The following CHD9 variants were observed in gnomAD, a reference collection of about 807,000 sequenced individuals.
The protein encoded by CHD9 is chromodomain helicase DNA binding protein 9.
In CHD9, 77 loss-of-function variants were observed where a neutral mutation model predicts 316.1. The observed-to-expected ratio is 0.24, with a 90% CI of 0.20 to 0.29. The LOEUF is 0.29. Among genes scored for constraint, CHD9 ranks in the 10% least tolerant of loss-of-function variants. The pLI is 1.00. For missense variants in CHD9, 2,763 were observed against 3,438.1 expected, an observed-to-expected ratio of 0.80 and a Z score of 4.91; for synonymous variants, 1,129 against 1,158.3, an observed-to-expected ratio of 0.97 and a Z score of 0.51.
At chr16:53,317,209 T>C (rs1395282451) in intron 36 of CHD9, among the ~76,000 whole-genome samples, 1 of 149,280 alleles carries the variant, frequency 6.7e-6, no homozygotes, top group Non-Finnish European at 1.5e-5. Flanking sequence ...GTAAGCCATA[T>C]TCATAAAACA....
chr16:53,135,389 G>A (rs756346479), intron 1 of CHD9, among the ~76,000 whole-genome samples: 1 of 152,164 alleles, frequency 6.6e-6, no homozygotes, highest in African/African-American at 2.4e-5. Flanking sequence ...AGAAAGGCAA[G>A]GGTGAAAGTA....
At chr16:53,059,846 G>A (rs1421172005) in intron 1 of CHD9, among the ~76,000 whole-genome samples, 2 of 152,212 alleles carry the variant, frequency 1.3e-5, no homozygotes, top group African/African-American at 4.8e-5. Flanking sequence ...GCGAAATGAC[G>A]TACAGTAAGT....
At chr16:53,106,218 T>G (rs1288446424) in intron 1 of CHD9, among the ~76,000 whole-genome samples, 1 of 152,210 alleles carries the variant, frequency 6.6e-6, no homozygotes, top group East Asian at 1.9e-4. Context: ...GTCAGTTAGT[T>G]CAATACAAAT....
intron 1 of CHD9, among the ~76,000 whole-genome samples, chr16:53,117,848 C>T (rs1266768280): frequency 1.4e-5 from 2 of 147,442 alleles, no homozygotes; most frequent in Non-Finnish European, 3.0e-5. Flanking sequence ...TTTTTTGAGA[C>T]GGAGTCTCTC....
chr16:53,305,895 T>C (rs2055921504), intron 31 of CHD9, among the ~76,000 whole-genome samples: 1 of 152,130 alleles, frequency 6.6e-6, no homozygotes, highest in Non-Finnish European at 1.5e-5. Flanking sequence ...GTTCTGCCAA[T>C]CCAGATGAAG....
At chr16:53,172,891 A>C (rs1379231982) in intron 2 of CHD9, among the ~76,000 whole-genome samples, 2 of 151,974 alleles carry the variant, frequency 1.3e-5, no homozygotes, top group Non-Finnish European at 2.9e-5. Context: ...TTGTGTTGTA[A>C]TATTCTAGTT....
intron 1 of CHD9, among the ~76,000 whole-genome samples, chr16:53,081,034 T>G (rs987530303): frequency 2.6e-5 from 4 of 152,240 alleles, no homozygotes; most frequent in African/African-American, 7.2e-5. Context: ...TATTCCTTGT[T>G]TATTCCCTTC....
rs750190750 is a variant in CHD9, at chr16:53,156,114, T to C, written c.25T>C (p.Phe9Leu). The C allele has an allele frequency of 6.2e-7, 1 of 1,613,268 alleles. No individual in the cohort carries two copies. The highest frequency in any genetic ancestry group is 1.1e-5 in the South Asian group (1 of 90,978). The change falls in exon 2 of 39, where the codon TTT (phenylalanine) becomes CTT (leucine). Residue 9 changes from phenylalanine (F) to leucine (L), a missense_variant. This residue lies in a region of CHD9 where 859 missense variants were observed against 890.4 expected (regional missense o/e 0.96). Transcript: ENST00000447540. ...GATGACAGATCCAATGATGGACTTT[T>C]TTGATGATGCCAATCTTTTTGGTGA... MTDPMMDF[F>L]DDANLFGETL... is the part of the protein sequence containing the mutation.
chr16:53,189,760 T>C (rs758998671), intron 2 of CHD9, among the ~76,000 whole-genome samples: 2 of 152,282 alleles, frequency 1.3e-5, no homozygotes, highest in Middle Eastern at 3.4e-3. Context: ...TATCAGACTT[T>C]AGTGCATTTG....
chr16:53,246,505 T>TTG (rs1567552892), intron 15 of CHD9, among the ~76,000 whole-genome samples: 56 of 151,736 alleles, frequency 3.7e-4, no homozygotes, highest in African/African-American at 1.3e-3. Context: ...TCTGTGTTTT[T>TTG]TTGTTGTTGT....
chr16:53,085,385 T>G lies in CHD9; in HGVS notation c.-165+30308T>G, dbSNP rs572739717. On this transcript the variant is annotated intron_variant, in intron 1 of 38. Coordinates refer to ENST00000447540, the MANE Select transcript of CHD9 (RefSeq NM_001308319.2). ...TTGATCATCTTACCCCCCAGGACAT[T>G]TATGTTGCCTGCTGTGCCTAAAGGC... is the stretch of plus-strand genomic sequence containing the variant. 2.1e-4 allele frequency among the ~76,000 whole-genome samples: 32 copies of G among 152,130 alleles called. No individual in the cohort carries two copies. In the South Asian group the frequency reaches 3.5e-3, roughly 17 times the overall value.
At chr16:53,060,733 G>A (rs2032774289) in intron 1 of CHD9, among the ~76,000 whole-genome samples, 1 of 151,992 alleles carries the variant, frequency 6.6e-6, no homozygotes, top group African/African-American at 2.4e-5. Flanking sequence ...TCCAGCCTGG[G>A]CAACTGAGGG....
chr16:53,217,912 T>TTTTCTTTCTTTCTTTC (rs138448097), intron 3 of CHD9, among the ~76,000 whole-genome samples: 30 of 144,288 alleles, frequency 2.1e-4, no homozygotes, highest in East Asian at 8.1e-4. Context: ...GCTTATACTC[T>TTTTCTTTCTTTCTTTC]TTTCTTTCTT....
chr16:53,271,188 T>A (rs1195664233), intron 22 of CHD9, among the ~76,000 whole-genome samples: 2 of 151,786 alleles, frequency 1.3e-5, no homozygotes, highest in Admixed American at 1.3e-4. Flanking sequence ...CCCTATCACC[T>A]TTTTTATTTG....
At chr16:53,088,317 G>T (rs375868492) in intron 1 of CHD9, among the ~76,000 whole-genome samples, 3 of 130,918 alleles carry the variant, frequency 2.3e-5, no homozygotes, top group Admixed American at 8.9e-5. Context: ...TCGTTCTGTC[G>T]CCCAGGCTGG....
chr16:53,322,006 T>C (rs1270962028), intron 38 of CHD9, among the ~76,000 whole-genome samples: 6 of 150,366 alleles, frequency 4.0e-5, no homozygotes, highest in Non-Finnish European at 8.9e-5. Context: ...TTTTCTTTTT[T>C]TTTTTTTTTT....
chr16:53,105,725 A>G (rs1341000255), intron 1 of CHD9, among the ~76,000 whole-genome samples: 1 of 152,028 alleles, frequency 6.6e-6, no homozygotes, highest in Non-Finnish European at 1.5e-5. Flanking sequence ...TTGTCTCTAC[A>G]TTCCTTTGAT....
At chr16:53,217,839 CAA>C (rs2046891545) in intron 3 of CHD9, among the ~76,000 whole-genome samples, 1 of 151,572 alleles carries the variant, frequency 6.6e-6, no homozygotes, top group African/African-American at 2.4e-5. Flanking sequence ...CTCCTAGGCT[CAA>C]GTCTTCTCCC....
chr16:53,205,539 A>C (rs533593958), intron 2 of CHD9, among the ~76,000 whole-genome samples: 1 of 152,336 alleles, frequency 6.6e-6, no homozygotes, highest in South Asian at 2.1e-4. Context: ...GGAAATGACC[A>C]ACATTAAAAA....
Sources: gnomAD v4.1 joint callset for allele counts (sites outside exome capture counted in the v4.1 genomes callset) on GRCh38, gnomAD v4.1.1 for gene constraint, gnomAD v4.1.1 regional missense constraint, MANE v1.5 for transcripts, NCBI Gene and HGNC (gene_info 2026-07-23, HGNC 2026-07-21) for gene names.